Variants in ACO2 observed in about 807,000 individuals in gnomAD.
The protein encoded by ACO2 is aconitate hydratase, mitochondrial.
Under a neutral mutation model 84.5 loss-of-function variants are expected in ACO2, and 31 were observed. The observed-to-expected ratio is 0.37, with a 90% CI of 0.28 to 0.50. ACO2 has a LOEUF of 0.50. Ranked by LOEUF, ACO2 falls within the 20% of genes least tolerant of loss-of-function variation. The probability of loss-of-function intolerance (pLI) is 0.97; values close to 1 mark genes in which losing one functional copy is unlikely to be tolerated. For missense variants in ACO2, 685 were observed against 1,029.3 expected (o/e 0.67, Z 4.58); for synonymous variants, 414 against 412.7 (o/e 1.00, Z -0.04).
intron 1 of ACO2, among the ~76,000 whole-genome samples, chr22:41,480,671 A>AT (rs1414895946): frequency 1.3e-5 from 2 of 152,168 alleles, no homozygotes; most frequent in Admixed American, 6.5e-5. Context: ...TTTCGTATAT[A>AT]TTTTTTGTAA....
Position 41,515,479 on chromosome 22 carries a change from G to T in ACO2, c.628G>T (p.Gly210Cys). ...GLGGICIGVG[G>C]ADAVDVMAGI... is the part of the protein sequence containing the mutation. ...TGGGGGCATCTGCATTGGAGTTGGGGGTGCCGATGCTGTGGATGTCATGGC... is the reference window on the plus strand; with the variant it reads ...TGGGGGCATCTGCATTGGAGTTGGGTGTGCCGATGCTGTGGATGTCATGGC... The change falls in exon 5 of 18, where the codon GGT becomes TGT. Residue 210 changes from glycine (G) to cysteine (C), a missense_variant. By Grantham distance (159) the Gly-to-Cys change is radical. Around this residue, in one of 5 missense-constraint regions of ACO2, gnomAD observed 92 missense variants for 203.7 expected, o/e 0.45. Coordinates refer to ENST00000216254, the MANE Select transcript of ACO2 (RefSeq NM_001098.3). The surrounding 1 kb of genome is among the most constrained non-coding windows in gnomAD (Gnocchi z 5.8). The T allele has an allele frequency of 6.2e-7, 1 of 1,613,910 alleles. No individual in the cohort carries two copies. Among genetic ancestry groups the T allele is most frequent in the South Asian group, 1.1e-5 (1 of 91,060 alleles).
Position 41,528,072 on chromosome 22 carries a change from T to C in ACO2, c.2208+50T>C. The C allele has an allele frequency of 2.5e-6, 4 of 1,612,442 alleles. No homozygotes were observed. In the East Asian group the frequency reaches 8.9e-5, roughly 36 times the overall value. On this transcript the variant is annotated intron_variant, in intron 17 of 17. Coordinates refer to ENST00000216254, the MANE Select transcript of ACO2 (RefSeq NM_001098.3). ...GTGGTGGGGTGAGGGGCAGCCACCT[T>C]GTTTCCCCTCCTGCACTGGCCCCAG...
At chr22:41,519,739 C>T (rs1285599891) in intron 8 of ACO2, among the ~76,000 whole-genome samples, 2 of 150,724 alleles carry the variant, frequency 1.3e-5, no homozygotes, top group Non-Finnish European at 2.9e-5. Context: ...ACCCGAGAGG[C>T]GGAGGCTGCC....
chr22:41,525,045 T>G, intron 13 of ACO2, 77 bp downstream of exon 13: 4 of 1,610,264 alleles, frequency 2.5e-6, no homozygotes, highest in Middle Eastern at 3.3e-4. Context: ...GCACCTCCTG[T>G]GCAGGCAGGG....
intron 1 of ACO2, among the ~76,000 whole-genome samples, chr22:41,490,557 C>A (rs2066264729): frequency 1.3e-5 from 2 of 152,202 alleles, no homozygotes; most frequent in Non-Finnish European, 1.5e-5. Context: ...GCGGACAGTA[C>A]CTTTGCCTGT....
intron 13 of ACO2, 52 bp from the exon 14 acceptor site, chr22:41,525,141 C>T (rs1456272235): frequency 4.4e-6 from 7 of 1,604,102 alleles, no homozygotes; most frequent in African/African-American, 4.0e-5. Flanking sequence ...AGAGTCTGTC[C>T]TTGTGGGAAC....
chr22:41,477,979 C>T (rs925001343), intron 1 of ACO2, among the ~76,000 whole-genome samples: 7 of 151,232 alleles, frequency 4.6e-5, no homozygotes, highest in Non-Finnish European at 8.8e-5. Context: ...GCAGAAGAAT[C>T]GCTTGAACTC....
chr22:41,497,092 G>A (rs969079246), intron 1 of ACO2, among the ~76,000 whole-genome samples: 2 of 151,002 alleles, frequency 1.3e-5, no homozygotes, highest in African/African-American at 4.9e-5. Context: ...TTTTCGAGAC[G>A]GAGTTTCGCT....
intron 1 of ACO2, among the ~76,000 whole-genome samples, chr22:41,497,095 G>T (rs954919594): frequency 1.3e-5 from 2 of 151,326 alleles, no homozygotes; most frequent in Non-Finnish European, 2.9e-5. Context: ...TCGAGACGGA[G>T]TTTCGCTCTG....
chr22:41,512,612 C>T (rs1269123483), intron 4 of ACO2, among the ~76,000 whole-genome samples: 1 of 152,220 alleles, frequency 6.6e-6, no homozygotes, highest in Non-Finnish European at 1.5e-5. Context: ...TCTGCTTCTG[C>T]ACGTGGCGCT....
At chr22:41,486,416 C>G (rs898649428) in intron 1 of ACO2, among the ~76,000 whole-genome samples, 10 of 151,806 alleles carry the variant, frequency 6.6e-5, no homozygotes, top group African/African-American at 2.4e-4. Context: ...GCCTCAGCCT[C>G]CCAAGTAGCT....
At chr22:41,502,211 C>A (rs1334562159) in intron 2 of ACO2, among the ~76,000 whole-genome samples, 3 of 152,112 alleles carry the variant, frequency 2.0e-5, no homozygotes, top group African/African-American at 7.2e-5. Flanking sequence ...GGCCCCACTC[C>A]CAGCAATTCT....
At chr22:41,488,645 C>T (rs142790096) in intron 1 of ACO2, among the ~76,000 whole-genome samples, 118 of 152,242 alleles carry the variant, frequency 7.8e-4, no homozygotes, top group African/African-American at 2.8e-3. Context: ...ACATGTAGCT[C>T]GTTGCTTCCT....
intron 1 of ACO2, among the ~76,000 whole-genome samples, chr22:41,485,472 G>C (rs1250199897): frequency 8.3e-6 from 1 of 120,492 alleles, no homozygotes; most frequent in African/African-American, 3.3e-5. Flanking sequence ...ACGGAGTCTC[G>C]CTCTGTCGCC....
At chr22:41,473,620 G>A (rs997181114) in intron 1 of ACO2, among the ~76,000 whole-genome samples, 5 of 152,200 alleles carry the variant, frequency 3.3e-5, no homozygotes, top group African/African-American at 7.2e-5. Flanking sequence ...GGGAAATTAC[G>A]TAGAAAAATA....
intron 1 of ACO2, among the ~76,000 whole-genome samples, chr22:41,499,105 AAAGG>A (rs1185705754): frequency 2.0e-5 from 3 of 152,008 alleles, no homozygotes; most frequent in East Asian, 1.9e-4. Context: ...AAAAAAAAAA[AAAGG>A]AAGGGAATTA....
At chr22:41,471,101 T>TTGAC (rs2037941120) in intron 1 of ACO2, among the ~76,000 whole-genome samples, 1 of 151,620 alleles carries the variant, frequency 6.6e-6, no homozygotes, top group Non-Finnish European at 1.5e-5. Flanking sequence ...CCTGAATCCA[T>TTGAC]TGTCCATTGG....
intron 4 of ACO2, among the ~76,000 whole-genome samples, chr22:41,513,011 G>A (rs1178751096): frequency 1.3e-5 from 2 of 152,118 alleles, no homozygotes; most frequent in South Asian, 2.1e-4. Flanking sequence ...TCCCAGCACC[G>A]CCCCGCTCTG....
At chr22:41,490,282 C>T (rs947309535) in intron 1 of ACO2, among the ~76,000 whole-genome samples, 2 of 152,058 alleles carry the variant, frequency 1.3e-5, no homozygotes, top group Admixed American at 6.5e-5. Flanking sequence ...GCCGAGACTG[C>T]GCCACTGCAC....
Sources: allele counts gnomAD v4.1 joint callset (sites outside exome capture counted in the v4.1 genomes callset), GRCh38; gene constraint gnomAD v4.1.1; regional missense constraint gnomAD v4.1.1; non-coding constraint Gnocchi (gnomAD v3.1); transcripts MANE v1.5; gene names NCBI Gene and HGNC (gene_info 2026-07-23, HGNC 2026-07-21).